The following TRAF1 variants were observed in gnomAD, a reference collection of about 807,000 sequenced individuals.
TRAF1 encodes TNF receptor-associated factor 1.
A neutral mutation model predicts 40.9 loss-of-function variants in TRAF1; 23 were observed. That is an observed-to-expected ratio of 0.56 (90% CI 0.40 to 0.80). TRAF1 has a LOEUF of 0.80. Ranked by LOEUF, TRAF1 falls within the 30% of genes least tolerant of loss-of-function variation. The probability of loss-of-function intolerance (pLI) is 0.00; values close to 1 mark genes in which losing one functional copy is unlikely to be tolerated. For missense variants in TRAF1, 477 were observed against 528.7 expected, an observed-to-expected ratio of 0.90 and a Z score of 0.96; for synonymous variants, 206 against 218.8, an observed-to-expected ratio of 0.94 and a Z score of 0.52.
At chr9:120,925,330 G>A (rs2046632074) in intron 2 of TRAF1, among the ~76,000 whole-genome samples, 1 of 152,218 alleles carries the variant, frequency 6.6e-6, no homozygotes, top group South Asian at 2.1e-4. Flanking sequence ...CACACAGTAG[G>A]TGCATAATTG....
intron 6 of TRAF1, 134 bp downstream of exon 6, chr9:120,911,202 G>A: frequency 9.9e-7 from 1 of 1,012,382 alleles, no homozygotes; most frequent in South Asian, 1.7e-5. Context: ...CCCATGGTGA[G>A]TGGCCTGAAT....
rs138123440 is a variant in TRAF1 at position 120,905,062 on chromosome 9, G to A, written c.1209C>T (p.Asp403=). 30 of 1,614,238 alleles carry A rather than the reference G, an allele frequency of 1.9e-5. No homozygotes were observed. Among genetic ancestry groups the A allele is most frequent in the Admixed American group, 1.2e-4 (7 of 60,024 alleles). ...LQSPKHAYVK[D]DTMFLKCIVE... ...CAATGCACTTGAGGAACATTGTGTCGTCCTTCACGTAGGCGTGCTTGGGTG... is the reference window on the plus strand; with the variant it reads ...CAATGCACTTGAGGAACATTGTGTCATCCTTCACGTAGGCGTGCTTGGGTG... Residue 403 remains aspartate, a synonymous_variant, in exon 8 of 8, where the codon GAC becomes GAT. Transcript: ENST00000373887.
At position 120,911,493 on chromosome 9, in the gene TRAF1, G is replaced by T. The variant is rs17848029; in HGVS notation, c.726C>A (p.Thr242=). ...CCAGGGCCTGGTCTTTCTGGGCCAG[G>T]GTCTGCTGAAGCTCCACCACCTGTA... ...LEQRVVELQQ[T]LAQKDQALGK... is the part of the protein sequence containing the mutation. Residue 242 remains threonine (T), a synonymous_variant, in exon 6 of 8, where the codon ACC becomes ACA. Coordinates refer to ENST00000373887, the MANE Select transcript of TRAF1 (RefSeq NM_005658.5). 3,570 of 1,612,416 alleles carry T rather than the reference G, an allele frequency of 2.2e-3. 104 individuals carry two copies. In the East Asian group the frequency reaches 0.067, roughly 30 times the overall value.
rs918065017 is a variant in TRAF1 at position 120,902,882 on chromosome 9, G to A, written c.*2138C>T. 2 of 152,216 alleles carry A rather than the reference G, an allele frequency of 1.3e-5. No individual in the cohort carries two copies. The highest frequency in any genetic ancestry group is 1.3e-4 in the Admixed American group (2 of 15,288). The allele number at this position is 152,216 out of a possible 1,614,324, so 9.4% of individuals were successfully genotyped here. On this transcript the variant is annotated 3_prime_UTR_variant, in exon 8 of 8. Coordinates refer to ENST00000373887, the MANE Select transcript of TRAF1 (RefSeq NM_005658.5). ...CCTTCAATGTCGAACACAGTTAACA[G>A]GTGCAGGTGTCAATGAAGCTTTGCT...
chr9:120,916,592 T>C (rs1248471886), intron 3 of TRAF1, among the ~76,000 whole-genome samples: 1 of 152,186 alleles, frequency 6.6e-6, no homozygotes, highest in Admixed American at 6.5e-5. Flanking sequence ...CTAGTTATTA[T>C]TCTTTAAAAG....
rs56675791 is a variant in TRAF1, at chr9:120,926,320, A to ATT, written c.-226-21_-226-20dup. The ATT allele has an allele frequency of 1.1e-3, 320 of 291,452 alleles. No individual in the cohort carries two copies. The highest frequency in any genetic ancestry group is 3.6e-3 in the Middle Eastern group (4 of 1,104). 18.1% of individuals were successfully genotyped at this position (291,452 alleles called of 1,614,324 possible). ...CTGAAGGCTTTAGGAGTGTCCAGTC[A>ATT]TTTTTTTTTTTTTTTAGAGTGAGAA... On this transcript the variant is annotated intron_variant, in intron 1 of 7. Coordinates refer to ENST00000373887, the MANE Select transcript of TRAF1 (RefSeq NM_005658.5).
rs1280639709 is a variant in TRAF1, at chr9:120,903,118, C to G, written c.*1902G>C. ...TAGACCCATCACTCGCTAGGCCAGACCTTCATGTGTGACATCCAGCTGTCA... is the reference window on the plus strand; with the variant it reads ...TAGACCCATCACTCGCTAGGCCAGAGCTTCATGTGTGACATCCAGCTGTCA... On this transcript the variant is annotated 3_prime_UTR_variant, in exon 8 of 8. Coordinates refer to ENST00000373887, the MANE Select transcript of TRAF1 (RefSeq NM_005658.5). The G allele has an allele frequency of 6.6e-6, 1 of 152,222 alleles. No individual in the cohort carries two copies. Among genetic ancestry groups the G allele is most frequent in the Non-Finnish European group, 1.5e-5 (1 of 68,052 alleles). The allele number at this position is 152,222 out of a possible 1,614,324, so 9.4% of individuals were successfully genotyped here. A position where few individuals can be genotyped will look rare whatever the true frequency, so the allele number is the denominator to read the frequency against.
At chr9:120,915,756 C>G (rs1285249933) in intron 3 of TRAF1, among the ~76,000 whole-genome samples, 6 of 151,972 alleles carry the variant, frequency 3.9e-5, no homozygotes, top group Non-Finnish European at 8.8e-5. Flanking sequence ...ATCGCTTGAG[C>G]CCAGGGGTTC....
At chr9:120,911,657 G>T in intron 5 of TRAF1, 144 bp from the exon 6 acceptor site, 2 of 947,104 alleles carry the variant, frequency 2.1e-6, no homozygotes, top group Non-Finnish European at 3.1e-6. Context: ...TGAATGTGCT[G>T]CCCCCTGCCT....
chr9:120,913,003 A>G (rs931222483), intron 5 of TRAF1, among the ~76,000 whole-genome samples: 3 of 152,136 alleles, frequency 2.0e-5, no homozygotes, highest in African/African-American at 7.2e-5. Context: ...AATGCAGGGA[A>G]GAGACAGGCT....
In TRAF1 at chr9:120,914,249, C is replaced by T. The variant is rs532693743; in HGVS notation, c.280G>A (p.Gly94Ser). The T allele has an allele frequency of 7.2e-5, 110 of 1,537,922 alleles. 1 individual carries two copies. In the South Asian group the frequency reaches 8.0e-4, roughly 11 times the overall value. The change falls in exon 4 of 8, where the codon GGC (glycine) becomes AGC (serine). Residue 94 changes from glycine to serine, a missense_variant. Coordinates refer to ENST00000373887, the MANE Select transcript of TRAF1 (RefSeq NM_005658.5). ...CAGATGCTTACCTTGAAGGAGCAGC[C>T]GACACCTGCAAAGGGGCACCCAATT... ...AGIGCPFAGV[G>S]CSFKGSPQSV...
At chr9:120,915,311 C>G (rs1249659239) in intron 3 of TRAF1, among the ~76,000 whole-genome samples, 1 of 152,156 alleles carries the variant, frequency 6.6e-6, no homozygotes, top group Non-Finnish European at 1.5e-5. Context: ...CGTGACCATA[C>G]TGAATACTGT....
chr9:120,910,499 C>T (rs6478487), intron 6 of TRAF1, among the ~76,000 whole-genome samples: 104,354 of 152,036 alleles, frequency 0.69, 36,108 homozygotes, highest in South Asian at 0.82. Flanking sequence ...CTCCTTAAGC[C>T]ATCCTCCCAT....
In TRAF1 at chr9:120,913,653, T is replaced by A. The variant is rs2046547622; in HGVS notation, c.380A>T (p.Lys127Met). ...CTCCAGGCCACAGCCCAGCCGGGCC[T>A]TCCACTGTTTCATGAACCCCAACAG... ...NLLLGFMKQW[K>M]ARLGCGLESG... The change falls in exon 5 of 8, where the codon AAG becomes ATG. Residue 127 changes from lysine to methionine, a missense_variant. Physicochemically the swap from Lys to Met is moderately conservative, Grantham distance 95. Transcript: ENST00000373887. 6.2e-7 allele frequency: 1 copy of A among 1,613,324 alleles called. No individual in the cohort carries two copies. Among genetic ancestry groups the A allele is most frequent in the Non-Finnish European group, 8.5e-7 (1 of 1,179,612 alleles).
chr9:120,913,305 G>A (rs753232611), intron 5 of TRAF1, 23 bp downstream of exon 5: 12 of 1,574,434 alleles, frequency 7.6e-6, no homozygotes, highest in Non-Finnish European at 1.0e-5. Context: ...GGGCTTGAAG[G>A]CAAACCTGCC....
chr9:120,910,309 G>A (rs1422263245), intron 6 of TRAF1, among the ~76,000 whole-genome samples: 1 of 152,204 alleles, frequency 6.6e-6, no homozygotes, highest in African/African-American at 2.4e-5. Flanking sequence ...ACCCCATGAA[G>A]AGAGCTGTCC....
intron 4 of TRAF1, 54 bp downstream of exon 4, chr9:120,914,181 T>C: frequency 7.1e-7 from 1 of 1,399,738 alleles, no homozygotes; most frequent in African/African-American, 1.4e-5. Flanking sequence ...TGGGGAGACC[T>C]GGAGGTCTGG....
chr9:120,920,113 A>C (rs966929163), intron 3 of TRAF1, among the ~76,000 whole-genome samples: 1 of 152,214 alleles, frequency 6.6e-6, no homozygotes, highest in African/African-American at 2.4e-5. Flanking sequence ...CAGGTATCAC[A>C]CTTCAAGGAA....
chr9:120,922,949 C>T (rs2046614631), intron 3 of TRAF1, among the ~76,000 whole-genome samples: 1 of 152,170 alleles, frequency 6.6e-6, no homozygotes. Flanking sequence ...GGCGACTCTC[C>T]TACCTCAGCC....
Sources: allele counts gnomAD v4.1 joint callset (sites outside exome capture counted in the v4.1 genomes callset), GRCh38; gene constraint gnomAD v4.1.1; transcripts MANE v1.5; gene names NCBI Gene and HGNC (gene_info 2026-07-23, HGNC 2026-07-21).